Variants in KIF26A observed in about 807,000 individuals in gnomAD.
The protein encoded by KIF26A is kinesin family member 26A, also known as kinesin-like protein KIF26A.
Under a neutral mutation model 126.0 loss-of-function variants are expected in KIF26A, and 74 were observed. That is an observed-to-expected ratio of 0.59 (90% CI 0.49 to 0.71). The LOEUF (loss-of-function observed/expected upper bound fraction) is 0.71. Among genes scored for constraint, KIF26A ranks in the 30% least tolerant of loss-of-function variants. The pLI, the probability that KIF26A is intolerant of heterozygous loss-of-function variation, is 0.00. For synonymous variants in KIF26A, 1,445 were observed against 1,232.7 expected, an observed-to-expected ratio of 1.17 and a Z score of -3.61; for missense variants, 2,984 against 2,763.3, an observed-to-expected ratio of 1.08 and a Z score of -1.79.
intron 2 of KIF26A, among the ~76,000 whole-genome samples, chr14:104,145,432 T>C (rs1017134616): frequency 1.3e-5 from 2 of 151,856 alleles, no homozygotes; most frequent in Non-Finnish European, 2.9e-5. Flanking sequence ...GGGCTGGGGA[T>C]GGGTGGGTGG....
chr14:104,166,510 A>G (rs61379223), intron 4 of KIF26A, among the ~76,000 whole-genome samples: 11,808 of 151,556 alleles, frequency 0.078, 1,542 homozygotes, highest in African/African-American at 0.27. Context: ...TCACTGTCCG[A>G]CCCCCGGCAG....
At chr14:104,144,046 C>T (rs1003468547) in intron 2 of KIF26A, among the ~76,000 whole-genome samples, 1 of 152,216 alleles carries the variant, frequency 6.6e-6, no homozygotes, top group Non-Finnish European at 1.5e-5. Context: ...GGCCCAGCCT[C>T]GCTGTGCAGC....
At chr14:104,170,206 G>GA (rs529048927) in intron 5 of KIF26A, among the ~76,000 whole-genome samples, 294 of 152,200 alleles carry the variant, frequency 1.9e-3, no homozygotes, top group African/African-American at 6.7e-3. Flanking sequence ...GTTCACACTG[G>GA]AAAAAAAATT....
rs375531059 is a variant in KIF26A at position 104,152,302 on chromosome 14, C to T, written c.576C>T (p.Thr192=). Residue 192 remains threonine (T), a synonymous_variant, in exon 3 of 15, where the codon ACC becomes ACT. Transcript: ENST00000423312. The surrounding 1 kb of genome is among the most constrained non-coding windows in gnomAD (Gnocchi z 5.9). The part of the protein sequence containing the change: ...RQPGRAGPDR[T]KGLAWSPGPS... Reference sequence around the variant, plus strand: ...CAGGACGAGCTGGGCCAGACAGGACCAAGGGGCTGGCCTGGTCCCCCGGGC... The same window carrying T: ...CAGGACGAGCTGGGCCAGACAGGACTAAGGGGCTGGCCTGGTCCCCCGGGC... 2.5e-6 allele frequency: 4 copies of T among 1,586,154 alleles called. No individual in the cohort carries two copies. The highest frequency in any genetic ancestry group is 3.4e-6 in the Non-Finnish European group (4 of 1,168,588).
intron 11 of KIF26A, 93 bp from the exon 12 acceptor site, chr14:104,174,889 A>T: frequency 7.6e-7 from 1 of 1,309,352 alleles, no homozygotes; most frequent in South Asian, 1.6e-5. Flanking sequence ...CATCACAGTG[A>T]CCGCAGCATT....
In KIF26A at chr14:104,152,840, G is replaced by A. The variant is rs546085565; in HGVS notation, c.735+379G>A. ...GGAGGGCCCTTGTGGCAGAGCGAGG[G>A]CCTGTGTGGAGGCCTGGGGGTGTGA... On this transcript the variant is annotated intron_variant, in intron 3 of 14. Transcript: ENST00000423312. This position sits in a 1 kb window ranked among gnomAD's most constrained non-coding sequence, Gnocchi z 5.9. 6.6e-6 allele frequency among the ~76,000 whole-genome samples: 1 copy of A among 152,302 alleles called. No homozygotes were observed. The highest frequency in any genetic ancestry group is 1.9e-4 in the East Asian group (1 of 5,178).
rs139329350 is a variant in KIF26A, at chr14:104,156,821, G to A, written c.736-934G>A. ...AGACCAGCCCACGTCCCCTCAGCACGGGGACCCCAGTCCTCTGCTAGCCTG... is the reference window on the plus strand; with the variant it reads ...AGACCAGCCCACGTCCCCTCAGCACAGGGACCCCAGTCCTCTGCTAGCCTG... On this transcript the variant is annotated intron_variant, in intron 3 of 14. Coordinates refer to ENST00000423312, the MANE Select transcript of KIF26A (RefSeq NM_015656.2). 4.6e-5 allele frequency among the ~76,000 whole-genome samples: 7 copies of A among 152,316 alleles called. No individual in the cohort carries two copies. In the East Asian group the frequency reaches 7.7e-4, roughly 17 times the overall value.
chr14:104,162,779 C>G (rs557451234), intron 4 of KIF26A, among the ~76,000 whole-genome samples: 1 of 152,264 alleles, frequency 6.6e-6, no homozygotes, highest in East Asian at 1.9e-4. Flanking sequence ...TGGGCGTCCC[C>G]CACATCCATT....
At chr14:104,157,978 A>C in intron 4 of KIF26A, 36 bp downstream of exon 4, 1 of 1,464,758 alleles carries the variant, frequency 6.8e-7, no homozygotes, top group South Asian at 1.4e-5. Flanking sequence ...CCTTGTGGGC[A>C]GGGCCCCATG....
intron 3 of KIF26A, among the ~76,000 whole-genome samples, chr14:104,157,166 A>G (rs563496017): frequency 1.9e-4 from 29 of 152,046 alleles, no homozygotes; most frequent in Non-Finnish European, 2.8e-4. Context: ...CCGGGCGTTT[A>G]ATTACGTTTG....
Position 104,178,584 on chromosome 14 carries a change from GC to G in KIF26A, c.5148del (p.Asp1717ThrfsTer26). The G allele has an allele frequency of 6.6e-7, 1 of 1,519,278 alleles. No individual in the cohort carries two copies. The allele number at this position is 1,519,278 out of a possible 1,614,324, so 94.1% of individuals were successfully genotyped here. On this transcript the variant is annotated frameshift_variant, in exon 13 of 15. Transcript: ENST00000423312. LOFTEE classifies it high-confidence loss of function. Reference protein sequence around the residue: ...QRRRLIPAPLPDTTALGRKPS... With the variant: ...QRRRLIPAPLXDTTALGRKPS... ...GGCGGCGCCTGATTCCCGCCCCACT[GC>G]CCGACACCACTGCCCTGGGCCGTAA...
chr14:104,145,249 C>T (rs552981629), intron 2 of KIF26A, among the ~76,000 whole-genome samples: 33 of 152,338 alleles, frequency 2.2e-4, no homozygotes, highest in African/African-American at 6.5e-4. Context: ...ACAGTGTCTC[C>T]GTTTCGTTCA....
In KIF26A at chr14:104,166,932, A is replaced by T; in HGVS notation, c.997A>T (p.Thr333Ser). ...GCCACCGCCTCCAGCCACCCGCGGC[A>T]CCTCCACCTACCCCACCGACTTCAG... ...HPPPPPATRG[T>S]STYPTDFSGV... The change falls in exon 5 of 15, where the codon ACC (threonine) becomes TCC (serine). Residue 333 changes from threonine to serine, a missense_variant. Transcript: ENST00000423312. 1.3e-6 allele frequency: 2 copies of T among 1,592,232 alleles called. No individual in the cohort carries two copies. Among genetic ancestry groups the T allele is most frequent in the Non-Finnish European group, 1.7e-6 (2 of 1,170,660 alleles).
At position 104,176,030 on chromosome 14, in the gene KIF26A, A is replaced by C. The variant is rs755444388; in HGVS notation, c.3242A>C (p.Asp1081Ala). The change falls in exon 12 of 15, where the codon GAT becomes GCT. Residue 1081 changes from aspartate (D) to alanine (A), a missense_variant. By Grantham distance (126) the Asp-to-Ala change is moderately radical (BLOSUM62 -2). Coordinates refer to ENST00000423312, the MANE Select transcript of KIF26A (RefSeq NM_015656.2). ...GTCAGCATCATCAGCAGCATCAATGATGAGTTTGACGCCTACACCTCTCAG... is the reference window on the plus strand; with the variant it reads ...GTCAGCATCATCAGCAGCATCAATGCTGAGTTTGACGCCTACACCTCTCAG... The part of the protein sequence containing the change: ...RPVSIISSIN[D>A]EFDAYTSQAP... 1.5e-5 allele frequency: 24 copies of C among 1,594,302 alleles called. No homozygotes were observed. Among genetic ancestry groups the C allele is most frequent in the Non-Finnish European group, 2.0e-5 (23 of 1,175,602 alleles).
Position 104,152,438 on chromosome 14 carries a change from A to G in KIF26A, c.712A>G (p.Ser238Gly). The G allele has an allele frequency of 1.3e-6, 2 of 1,587,896 alleles. No individual in the cohort carries two copies. Among genetic ancestry groups the G allele is most frequent in the South Asian group, 2.3e-5 (2 of 86,970 alleles). ...EGMWSVSRVN[S>G]FLPPACLAEA... ...CATGTGGAGTGTCTCGCGGGTCAAC[A>G]GCTTCCTCCCGCCGGCGTGCCTGGT... Residue 238 changes from serine (S) to glycine (G), a missense_variant, in exon 3 of 15, where the codon AGC becomes GGC. By Grantham distance (56) the Ser-to-Gly change is moderately conservative. Coordinates refer to ENST00000423312, the MANE Select transcript of KIF26A (RefSeq NM_015656.2). This position sits in a 1 kb window ranked among gnomAD's most constrained non-coding sequence, Gnocchi z 5.9.
At position 104,175,265 on chromosome 14, in the gene KIF26A, C is replaced by G. The variant is rs776405243; in HGVS notation, c.2477C>G (p.Pro826Arg). The change falls in exon 12 of 15, where the codon CCC becomes CGC. Residue 826 changes from proline to arginine, a missense_variant. Transcript: ENST00000423312. The stretch of plus-strand genomic sequence containing the variant: ...ATCCCTGCCCTGAGCCGCCACCGGC[C>G]CTCCAAGGGTCCCCGAGACGCAGAC... ...PIIPALSRHR[P>R]SKGPRDADHF... is the part of the protein sequence containing the mutation. The G allele has an allele frequency of 6.2e-7, 1 of 1,606,678 alleles. No homozygotes were observed. Among genetic ancestry groups the G allele is most frequent in the Non-Finnish European group, 8.5e-7 (1 of 1,179,592 alleles).
chr14:104,172,187 C>T (rs960977630), intron 6 of KIF26A, among the ~76,000 whole-genome samples: 2 of 152,388 alleles, frequency 1.3e-5, no homozygotes, highest in Admixed American at 1.3e-4. Context: ...GGAGCCCGCC[C>T]TCCCGGGAAG....
At chr14:104,163,684 C>T (rs888946805) in intron 4 of KIF26A, among the ~76,000 whole-genome samples, 13 of 151,860 alleles carry the variant, frequency 8.6e-5, no homozygotes, top group South Asian at 4.2e-4. Context: ...CCCCAGTGAC[C>T]CCGGAACCCC....
At chr14:104,166,466 T>C (rs2037903662) in intron 4 of KIF26A, among the ~76,000 whole-genome samples, 1 of 152,132 alleles carries the variant, frequency 6.6e-6, no homozygotes, top group Non-Finnish European at 1.5e-5. Flanking sequence ...TGTGCATGGC[T>C]GCCCACAGCC....
Sources: gnomAD v4.1 joint callset for allele counts (sites outside exome capture counted in the v4.1 genomes callset) on GRCh38, gnomAD v4.1.1 for gene constraint, Gnocchi (gnomAD v3.1) non-coding constraint, MANE v1.5 for transcripts, NCBI Gene and HGNC (gene_info 2026-07-23, HGNC 2026-07-21) for gene names.